NEO1: variants seen among roughly 807,000 people sequenced by gnomAD.
The protein encoded by NEO1 is neogenin.
A neutral mutation model predicts 159.7 loss-of-function variants in NEO1; 63 were observed. That is an observed-to-expected ratio of 0.39 (90% CI 0.32 to 0.49). The LOEUF (loss-of-function observed/expected upper bound fraction) is 0.49, where lower values mean the gene tolerates loss of function less well. NEO1 is among the 20% of genes least tolerant of loss of function. The pLI is 0.85. For missense variants in NEO1, 1,615 were observed against 1,831.0 expected (o/e 0.88, Z 2.15); for synonymous variants, 633 against 662.0 (o/e 0.96, Z 0.67).
At chr15:73,225,956 C>T (rs559846586) in intron 7 of NEO1, among the ~76,000 whole-genome samples, 3 of 152,236 alleles carry the variant, frequency 2.0e-5, no homozygotes, top group African/African-American at 4.8e-5. Context: ...AGTGAGCTCC[C>T]GGGGCCTTTC....
intron 21 of NEO1, among the ~76,000 whole-genome samples, chr15:73,277,882 G>C (rs1286199770): frequency 6.6e-6 from 1 of 152,198 alleles, no homozygotes; most frequent in Admixed American, 6.5e-5. Context: ...CTAAACAGCA[G>C]TGACAGTCAG....
chr15:73,159,310 C>T (rs1567342443), intron 5 of NEO1, among the ~76,000 whole-genome samples: 1 of 151,916 alleles, frequency 6.6e-6, no homozygotes, highest in East Asian at 1.9e-4. Flanking sequence ...TTCATTGTCT[C>T]CTCATATGTC....
intron 1 of NEO1, among the ~76,000 whole-genome samples, chr15:73,086,145 G>A (rs903431508): frequency 6.6e-6 from 1 of 152,004 alleles, no homozygotes; most frequent in Non-Finnish European, 1.5e-5. Context: ...TTTTGCATAT[G>A]GATATCCAGT....
At chr15:73,154,546 A>G (rs189086232) in intron 5 of NEO1, among the ~76,000 whole-genome samples, 79 of 152,244 alleles carry the variant, frequency 5.2e-4, no homozygotes, top group African/African-American at 1.8e-3. Context: ...CCATGAGTTC[A>G]GTTGTTTTCA....
In NEO1 at chr15:73,293,524, C is replaced by G. The variant is rs2042239617; in HGVS notation, c.3877C>G (p.Leu1293Val). ...ATGGCCCATTGGCACATCCATGTCC[C>G]TTTCAGACAGGGCCAATTCCACAGG... ...SPWPIGTSMSLSDRANSTESV... is the reference protein window; with the variant it reads ...SPWPIGTSMSVSDRANSTESV... Residue 1293 changes from leucine (L) to valine (V), a missense_variant, in exon 26 of 29, where the codon CTT becomes GTT. By Grantham distance (32) the Leu-to-Val change is conservative. Around this residue, in one of 3 missense-constraint regions of NEO1, gnomAD observed 471 missense variants for 498.9 expected, o/e 0.94. Coordinates refer to ENST00000261908, the MANE Select transcript of NEO1 (RefSeq NM_002499.4). The G allele has an allele frequency of 1.2e-6, 2 of 1,614,052 alleles. No individual in the cohort carries two copies. The highest frequency in any genetic ancestry group is 2.2e-5 in the South Asian group (2 of 91,090).
rs1198422030 is a variant in NEO1, at chr15:73,289,161, A to G, written c.3665A>G (p.Asp1222Gly). The change falls in exon 25 of 29, where the codon GAC (aspartate) becomes GGC (glycine). Residue 1222 changes from aspartate (D) to glycine (G), a missense_variant. By Grantham distance (94) the Asp-to-Gly change is moderately conservative. Coordinates refer to ENST00000261908, the MANE Select transcript of NEO1 (RefSeq NM_002499.4). ...TAACATCTAGGGCATGAGTCAGAGG[A>G]CAGCATGTCTACACTGGCTGGAAGG... The part of the protein sequence containing the change: ...RNSYRGHESE[D>G]SMSTLAGRRG... The G allele has an allele frequency of 6.8e-6, 11 of 1,614,078 alleles. No homozygotes were observed. The highest frequency in any genetic ancestry group is 9.3e-6 in the Non-Finnish European group (11 of 1,179,980).
intron 5 of NEO1, among the ~76,000 whole-genome samples, chr15:73,144,177 GA>G (rs1341689719): frequency 2.0e-5 from 3 of 152,054 alleles, no homozygotes; most frequent in African/African-American, 7.3e-5. Flanking sequence ...AGTTATTCTG[GA>G]GGAAGATGAA....
intron 5 of NEO1, among the ~76,000 whole-genome samples, chr15:73,147,429 G>T (rs2032994716): frequency 6.6e-6 from 1 of 152,120 alleles, no homozygotes; most frequent in African/African-American, 2.4e-5. Flanking sequence ...CATGTTTTGT[G>T]GTCTTTGAGC....
intron 7 of NEO1, among the ~76,000 whole-genome samples, chr15:73,234,973 G>T (rs1193625948): frequency 6.6e-6 from 1 of 152,182 alleles, no homozygotes; most frequent in Non-Finnish European, 1.5e-5. Context: ...TTATAGAGCT[G>T]CTGTAAGGAT....
Position 73,273,836 on chromosome 15 carries a change from T to G in NEO1, c.2991T>G (p.Asp997Glu). ...ITGYIIYYST[D>E]VNAEIHDWVI... is the part of the protein sequence containing the mutation. Reference sequence around the variant, plus strand: ...GTTACATCATATATTACAGTACAGATGTGAATGCAGAGATACATGACTGGG... The same window carrying G: ...GTTACATCATATATTACAGTACAGAGGTGAATGCAGAGATACATGACTGGG... Residue 997 changes from aspartate (D) to glutamate (E), a missense_variant, in exon 20 of 29, where the codon GAT becomes GAG. Coordinates refer to ENST00000261908, the MANE Select transcript of NEO1 (RefSeq NM_002499.4). The G allele has an allele frequency of 6.2e-7, 1 of 1,614,052 alleles. No individual in the cohort carries two copies. The highest frequency in any genetic ancestry group is 8.5e-7 in the Non-Finnish European group (1 of 1,179,940).
intron 1 of NEO1, among the ~76,000 whole-genome samples, chr15:73,088,334 TG>T (rs2069481805): frequency 6.6e-6 from 1 of 151,954 alleles, no homozygotes; most frequent in South Asian, 2.1e-4. Context: ...TGCAGAGAGT[TG>T]TTTGAAATGA....
At chr15:73,104,177 A>G (rs1304401854) in intron 1 of NEO1, among the ~76,000 whole-genome samples, 1 of 152,200 alleles carries the variant, frequency 6.6e-6, no homozygotes, top group Non-Finnish European at 1.5e-5. Flanking sequence ...ATTATTTTAA[A>G]GAGCCCTTCA....
chr15:73,292,384 A>T (rs1324747398), intron 25 of NEO1, among the ~76,000 whole-genome samples: 3 of 152,200 alleles, frequency 2.0e-5, no homozygotes, highest in African/African-American at 7.2e-5. Context: ...GATTCCCAGT[A>T]TTGTTAGTCA....
At chr15:73,226,213 C>T (rs149766793) in intron 7 of NEO1, among the ~76,000 whole-genome samples, 463 of 152,248 alleles carry the variant, frequency 3.0e-3, no homozygotes, top group African/African-American at 0.011. Context: ...TGGGTCCTCT[C>T]GGGATTTCTG....
chr15:73,066,791 C>G (rs2068243260), intron 1 of NEO1, among the ~76,000 whole-genome samples: 1 of 152,200 alleles, frequency 6.6e-6, no homozygotes, highest in South Asian at 2.1e-4. Flanking sequence ...GGGCTTGGGT[C>G]TGTCGAAAGC....
At position 73,279,350 on chromosome 15, in the gene NEO1, G is replaced by GTTTTTTTTTTTTTTTTT. The variant is rs1567679061; in HGVS notation, c.3262+1151_3262+1152insTTTTTTTTTTTTTTTTT. Among the ~76,000 whole-genome samples, 8 of 58,138 alleles carry GTTTTTTTTTTTTTTTTT rather than the reference G, an allele frequency of 1.4e-4. 1 individual carries two copies. The highest frequency in any genetic ancestry group is 2.9e-4 in the African/African-American group (8 of 27,536). The allele number at this position is 58,138 out of a possible 152,430, so 38.1% of individuals were successfully genotyped here. On this transcript the variant is annotated intron_variant, in intron 22 of 28. Coordinates refer to ENST00000261908, the MANE Select transcript of NEO1 (RefSeq NM_002499.4). ...CATGTTTTTTTGTTGTTTTGGTTTT[G>GTTTTTTTTTTTTTTTTT]GTTTTTTTTTTTTTTTGAGATGGAA...
rs1177863941 is a variant in NEO1, at chr15:73,293,478, T to C, written c.3831T>C (p.His1277=). Residue 1277 remains histidine, a synonymous_variant, in exon 26 of 29, where the codon CAT becomes CAC. Transcript: ENST00000261908. ...GCCTCGCTTCTCCAGCTCGCAGTCA[T>C]CTCTACCACCCGGGCAGCCCATGGC... is the stretch of plus-strand genomic sequence containing the variant. ...SSSLASPARS[H]LYHPGSPWPI... 2 of 1,614,152 alleles carry C rather than the reference T, an allele frequency of 1.2e-6. No individual in the cohort carries two copies. Among genetic ancestry groups the C allele is most frequent in the Admixed American group, 1.7e-5 (1 of 60,014 alleles).
intron 1 of NEO1, among the ~76,000 whole-genome samples, chr15:73,058,787 G>A (rs2067840694): frequency 6.6e-6 from 1 of 152,076 alleles, no homozygotes; most frequent in Admixed American, 6.5e-5. Flanking sequence ...AATTTCAAAG[G>A]TCCCTTCTGC....
chr15:73,172,361 T>G (rs777434946), intron 5 of NEO1, among the ~76,000 whole-genome samples: 1 of 152,216 alleles, frequency 6.6e-6, no homozygotes, highest in Non-Finnish European at 1.5e-5. Context: ...ATAATAGAAT[T>G]GTTCTAGGAA....
Sources: gnomAD v4.1 joint callset for allele counts (sites outside exome capture counted in the v4.1 genomes callset) on GRCh38, gnomAD v4.1.1 for gene constraint, gnomAD v4.1.1 regional missense constraint, MANE v1.5 for transcripts, NCBI Gene and HGNC (gene_info 2026-07-23, HGNC 2026-07-21) for gene names.